The following OXNAD1 variants were observed in gnomAD, a reference collection of about 807,000 sequenced individuals.
OXNAD1 encodes oxidoreductase NAD binding domain containing 1.
In OXNAD1, 34 loss-of-function variants were observed where a neutral mutation model predicts 32.9. The ratio of observed to expected loss-of-function variants is 1.03; its 90% CI spans 0.79 to 1.38. OXNAD1 has a LOEUF of 1.38. OXNAD1 is among the 40% of genes most tolerant of loss of function. The pLI, the probability that OXNAD1 is intolerant of heterozygous loss-of-function variation, is 0.00. For synonymous variants in OXNAD1, 134 were observed against 135.2 expected, an observed-to-expected ratio of 0.99 and a Z score of 0.06; for missense variants, 407 against 379.4, an observed-to-expected ratio of 1.07 and a Z score of -0.60.
At chr3:16,283,664 G>C (rs2065896317) in intron 4 of OXNAD1, among the ~76,000 whole-genome samples, 1 of 152,294 alleles carries the variant, frequency 6.6e-6, no homozygotes, top group Admixed American at 6.5e-5. Flanking sequence ...GGTGGGAGGA[G>C]AGTAGTAGTC....
rs2070608553 is a variant in OXNAD1 at position 16,334,049 on chromosome 3, C to G, written c.*31-3063C>G. On this transcript the variant is annotated intron_variant, in intron 9 of 9. Coordinates refer to the OXNAD1 transcript ENST00000435829. The surrounding 1 kb of genome is among the most constrained non-coding windows in gnomAD (Gnocchi z 4.3). Reference sequence around the variant, plus strand: ...GCATGGTGGCGGGTGCCTGTAGTCCCAGCTACTTGGGAGGCTGAGGCAGGA... The same window carrying G: ...GCATGGTGGCGGGTGCCTGTAGTCCGAGCTACTTGGGAGGCTGAGGCAGGA... Among the ~76,000 whole-genome samples, 1 of 152,134 alleles carries G rather than the reference C, an allele frequency of 6.6e-6. No homozygotes were observed. Among genetic ancestry groups the G allele is most frequent in the Non-Finnish European group, 1.5e-5 (1 of 68,032 alleles).
downstream of OXNAD1, among the ~76,000 whole-genome samples, chr3:16,310,232 AC>A (rs1369489916): frequency 6.6e-6 from 1 of 152,236 alleles, no homozygotes; most frequent in Non-Finnish European, 1.5e-5. Context: ...TTATTAACTT[AC>A]GCATTTTGTG....
Position 16,302,121 on chromosome 3 carries a change from C to T in OXNAD1, c.675+253C>T, listed in dbSNP as rs1477312870. Among the ~76,000 whole-genome samples the T allele has an allele frequency of 6.6e-6, 1 of 152,124 alleles. No individual in the cohort carries two copies. The highest frequency in any genetic ancestry group is 6.5e-5 in the Admixed American group (1 of 15,268). ...GGATGGAATCTGGAGGTTAAATGAA[C>T]AGAAAAGTCACAAGGGTCCCGAGAT... On this transcript the variant is annotated intron_variant, in intron 7 of 8. Coordinates refer to ENST00000285083, the MANE Select transcript of OXNAD1 (RefSeq NM_138381.5). This position sits in a 1 kb window ranked among gnomAD's most constrained non-coding sequence, Gnocchi z 4.2.
In OXNAD1 at chr3:16,303,475, C is replaced by T. The variant is rs1575156111; in HGVS notation, c.852C>T (p.Gly284=). The change falls in exon 9 of 9, where the codon GGC becomes GGT. Residue 284 remains glycine (G), a synonymous_variant. Transcript: ENST00000285083. This position sits in a 1 kb window ranked among gnomAD's most constrained non-coding sequence, Gnocchi z 4.8. The part of the protein sequence containing the change: ...ISKETLFYIC[G]PPPMTDFFSK... ...AAGAGACTTTGTTCTATATTTGTGG[C>T]CCACCTCCAATGACAGACTTTTTCT... The T allele has an allele frequency of 6.2e-7, 1 of 1,613,940 alleles. No individual in the cohort carries two copies. Among genetic ancestry groups the T allele is most frequent in the East Asian group, 2.2e-5 (1 of 44,876 alleles).
chr3:16,350,537 A>G (rs950414271), downstream of OXNAD1, among the ~76,000 whole-genome samples: 6 of 151,300 alleles, frequency 4.0e-5, no homozygotes, highest in South Asian at 2.1e-4. Context: ...CATACATACT[A>G]TTCTGTAAAC....
At position 16,299,049 on chromosome 3, in the gene OXNAD1, T is replaced by A. The variant is rs73037481; in HGVS notation, c.433-2577T>A. Reference sequence around the variant, plus strand: ...AGACAGGCTTCTTGAATATTATCTTTCCCTGGGGCACATTTTCTTGCCAAC... The same window carrying A: ...AGACAGGCTTCTTGAATATTATCTTACCCTGGGGCACATTTTCTTGCCAAC... On this transcript the variant is annotated intron_variant, in intron 6 of 8. Coordinates refer to ENST00000285083, the MANE Select transcript of OXNAD1 (RefSeq NM_138381.5). The surrounding 1 kb of genome is among the most constrained non-coding windows in gnomAD (Gnocchi z 4.4). Among the ~76,000 whole-genome samples, 14,891 of 152,208 alleles carry A rather than the reference T, an allele frequency of 0.098. 1,024 individuals are homozygous for A. Among genetic ancestry groups the A allele is most frequent in the Non-Finnish European group, 0.13 (8,646 of 68,002 alleles).
Position 16,293,831 on chromosome 3 carries a change from A to G in OXNAD1, c.291-1025A>G, listed in dbSNP as rs545764462. ...CTTTATCAGGTTGAGAAAGTTCCCA[A>G]TTATTCCTAATTTGTTGAGTATTTT... On this transcript the variant is annotated intron_variant, in intron 5 of 8. Coordinates refer to ENST00000285083, the MANE Select transcript of OXNAD1 (RefSeq NM_138381.5). Among the ~76,000 whole-genome samples, 16 of 152,254 alleles carry G rather than the reference A, an allele frequency of 1.1e-4. No homozygotes were observed. The South Asian group carries it at 2.9e-3, about 28-fold the overall frequency.
At position 16,342,974 on chromosome 3, in the gene OXNAD1, G is replaced by A. The variant is rs1177528308; in HGVS notation, c.*31-6202G>A. Reference sequence around the variant, plus strand: ...CCCACTACAGCCCCTCTGAGTCGCTGGGAATACAGGCACACACCACCATGC... The same window carrying A: ...CCCACTACAGCCCCTCTGAGTCGCTAGGAATACAGGCACACACCACCATGC... On this transcript the variant is annotated intron_variant, in intron 9 of 9. Coordinates refer to the OXNAD1 transcript ENST00000606098. This position sits in a 1 kb window ranked among gnomAD's most constrained non-coding sequence, Gnocchi z 4.0. Among the ~76,000 whole-genome samples, 3 of 152,046 alleles carry A rather than the reference G, an allele frequency of 2.0e-5. No individual in the cohort carries two copies. The highest frequency in any genetic ancestry group is 7.2e-5 in the African/African-American group (3 of 41,394).
In OXNAD1 at chr3:16,335,523, A is replaced by C. The variant is rs768118128; in HGVS notation, c.*31-1589A>C. On this transcript the variant is annotated intron_variant, in intron 9 of 9. Transcript: ENST00000435829. The surrounding 1 kb of genome is among the most constrained non-coding windows in gnomAD (Gnocchi z 4.7). ...AACTAACGCAGGAACAGAAAATCAA[A>C]CACCACATGTTCTCACTTACAAGTG... 4.6e-5 allele frequency among the ~76,000 whole-genome samples: 7 copies of C among 152,340 alleles called. No homozygotes were observed. The highest frequency in any genetic ancestry group is 3.4e-3 in the Middle Eastern group (1 of 294).
rs980314178 is a variant in OXNAD1, at chr3:16,317,415, A to G, written c.*30+13823A>G. 1.3e-5 allele frequency among the ~76,000 whole-genome samples: 2 copies of G among 152,028 alleles called. No homozygotes were observed. The highest frequency in any genetic ancestry group is 2.4e-5 in the African/African-American group (1 of 41,388). On this transcript the variant is annotated intron_variant, in intron 9 of 9. Coordinates refer to the OXNAD1 transcript ENST00000435829. This position sits in a 1 kb window ranked among gnomAD's most constrained non-coding sequence, Gnocchi z 4.3. Reference sequence around the variant, plus strand: ...ACACTATCACATCACACCCACCCCAAGAGCCTGCACCACACCTTCCAGGAT... The same window carrying G: ...ACACTATCACATCACACCCACCCCAGGAGCCTGCACCACACCTTCCAGGAT...
chr3:16,267,552 G>C (rs1308053857), intron 1 of OXNAD1, among the ~76,000 whole-genome samples: 1 of 152,094 alleles, frequency 6.6e-6, no homozygotes, highest in African/African-American at 2.4e-5. Context: ...CCTTCTGCCA[G>C]AGTTGTCTGC....
rs114001262 is a variant in OXNAD1, at chr3:16,346,795, G to A, written c.*31-2381G>A. On this transcript the variant is annotated intron_variant, in intron 9 of 9. Transcript: ENST00000606098. This position sits in a 1 kb window ranked among gnomAD's most constrained non-coding sequence, Gnocchi z 4.4. ...ACATTTGCATGAGACACCTAGAATTGCCACAGTCACCTTGTGAGGAGGATC... is the reference window on the plus strand; with the variant it reads ...ACATTTGCATGAGACACCTAGAATTACCACAGTCACCTTGTGAGGAGGATC... 4.8e-3 allele frequency among the ~76,000 whole-genome samples: 724 copies of A among 152,262 alleles called. 2 individuals carry two copies. The highest frequency in any genetic ancestry group is 0.019 in the South Asian group (93 of 4,820).
Position 16,302,577 on chromosome 3 carries a change from G to A in OXNAD1, c.676-63G>A, listed in dbSNP as rs1006319497. The A allele has an allele frequency of 1.8e-6, 2 of 1,110,874 alleles. No homozygotes were observed. The highest frequency in any genetic ancestry group is 2.7e-6 in the Non-Finnish European group (2 of 746,980). 68.8% of individuals were successfully genotyped at this position (1,110,874 alleles called of 1,614,324 possible). On this transcript the variant is annotated intron_variant, in intron 7 of 8. Coordinates refer to ENST00000285083, the MANE Select transcript of OXNAD1 (RefSeq NM_138381.5). This position sits in a 1 kb window ranked among gnomAD's most constrained non-coding sequence, Gnocchi z 4.2. ...TGGGAGTTGAGGTTCAGCGTCAATG[G>A]TTGTGCACATCTGTTTTGATTTTTT...
In OXNAD1 at chr3:16,304,568, A is replaced by T. The variant is rs2067411475; in HGVS notation, c.*1006A>T. On this transcript the variant is annotated 3_prime_UTR_variant, in exon 9 of 9. Coordinates refer to ENST00000285083, the MANE Select transcript of OXNAD1 (RefSeq NM_138381.5). This position sits in a 1 kb window ranked among gnomAD's most constrained non-coding sequence, Gnocchi z 4.6. ...GGAGCCTCATCCCAAAGCTGCTCTG[A>T]TGAAACTGCTAGAAAGCAGATTGTA... 1 of 152,236 alleles carries T rather than the reference A, an allele frequency of 6.6e-6. No homozygotes were observed. The highest frequency in any genetic ancestry group is 2.1e-4 in the South Asian group (1 of 4,836). The allele number at this position is 152,236 out of a possible 1,614,324, so 9.4% of individuals were successfully genotyped here. A position where few individuals can be genotyped will look rare whatever the true frequency, so the allele number is the denominator to read the frequency against.
intron 6 of OXNAD1, among the ~76,000 whole-genome samples, chr3:16,296,624 A>G (rs773723618): frequency 6.6e-6 from 1 of 152,232 alleles, no homozygotes. Context: ...AGAGAAACAC[A>G]TCAAATAATG....
At chr3:16,269,454 T>G (rs991998845) in intron 2 of OXNAD1, among the ~76,000 whole-genome samples, 179 bp downstream of exon 2, 15 of 152,242 alleles carry the variant, frequency 9.9e-5, no homozygotes, top group Admixed American at 6.5e-5. Context: ...TGCAACATAC[T>G]ATGACAAGAA....
chr3:16,317,111 G>T lies in OXNAD1; in HGVS notation c.*30+13519G>T, dbSNP rs547118523. 8 of 1,613,788 alleles carry T rather than the reference G, an allele frequency of 5.0e-6. No homozygotes were observed. The highest frequency in any genetic ancestry group is 6.8e-6 in the Non-Finnish European group (8 of 1,180,016). ...GTTTCCCATGTCTCCAGCTTTGGAA[G>T]ACTGGTCTTCTAAGTTCTTCTCATT... On this transcript the variant is annotated intron_variant, in intron 9 of 9. Transcript: ENST00000435829. This position sits in a 1 kb window ranked among gnomAD's most constrained non-coding sequence, Gnocchi z 4.3.
chr3:16,342,615 TAAAAATAAAAA>T lies in OXNAD1; in HGVS notation c.*31-6558_*31-6548del, dbSNP rs563784940. Among the ~76,000 whole-genome samples the T allele has an allele frequency of 7.5e-4, 114 of 152,300 alleles. No homozygotes were observed. The highest frequency in any genetic ancestry group is 2.6e-3 in the African/African-American group (110 of 41,562). On this transcript the variant is annotated intron_variant, in intron 9 of 9. Transcript: ENST00000606098. The surrounding 1 kb of genome is among the most constrained non-coding windows in gnomAD (Gnocchi z 4.0). ...GGAAAGTGTCCATGGATCACTTTTATAAAAATAAAAAAAGTTATAAGAATGAAAGCAGAGGC... is the reference window on the plus strand; with the variant it reads ...GGAAAGTGTCCATGGATCACTTTTATAAGTTATAAGAATGAAAGCAGAGGC...
chr3:16,266,752 A>AG (rs1221498033), intron 1 of OXNAD1, among the ~76,000 whole-genome samples: 1 of 152,154 alleles, frequency 6.6e-6, no homozygotes, highest in Non-Finnish European at 1.5e-5. Flanking sequence ...AAGGAAGAGA[A>AG]GGGGTCAATG....
Sources: gnomAD v4.1 joint callset for allele counts (sites outside exome capture counted in the v4.1 genomes callset) on GRCh38, gnomAD v4.1.1 for gene constraint, Gnocchi (gnomAD v3.1) non-coding constraint, MANE v1.5 for transcripts, NCBI Gene and HGNC (gene_info 2026-07-23, HGNC 2026-07-21) for gene names.